SNCAIP: variants seen among roughly 807,000 people sequenced by gnomAD.
SNCAIP encodes the protein synphilin-1.
In SNCAIP, 43 loss-of-function variants were observed where a neutral mutation model predicts 86.7. The ratio of observed to expected loss-of-function variants is 0.50; its 90% CI spans 0.39 to 0.64. SNCAIP has a LOEUF of 0.64. SNCAIP is among the 30% of genes least tolerant of loss of function. The pLI, the probability that SNCAIP is intolerant of heterozygous loss-of-function variation, is 0.00. For synonymous variants in SNCAIP, 417 were observed against 427.2 expected, an observed-to-expected ratio of 0.98 and a Z score of 0.29; for missense variants, 981 against 1,103.1, an observed-to-expected ratio of 0.89 and a Z score of 1.57.
rs572532084 is a variant in SNCAIP, at chr5:122,449,291, G to A, written c.1593-554G>A. Among the ~76,000 whole-genome samples the A allele has an allele frequency of 3.5e-3, 529 of 152,234 alleles. 1 individual carries two copies. Among genetic ancestry groups the A allele is most frequent in the Middle Eastern group, 6.8e-3 (2 of 294 alleles). Reference sequence around the variant, plus strand: ...ACTGTACTGAAAGTGAGAAAGAATGGCTGTATGGATACTCAAAGTACAGTT... The same window carrying A: ...ACTGTACTGAAAGTGAGAAAGAATGACTGTATGGATACTCAAAGTACAGTT... On this transcript the variant is annotated intron_variant, in intron 8 of 10. Transcript: ENST00000261368.
intron 1 of SNCAIP, among the ~76,000 whole-genome samples, chr5:122,377,308 AAT>A (rs1765531031): frequency 6.6e-6 from 1 of 152,142 alleles, no homozygotes; most frequent in South Asian, 2.1e-4. Context: ...AACTGAATAC[AAT>A]ATGTTTTTTC....
intron 3 of SNCAIP, 150 bp downstream of exon 3, chr5:122,404,015 T>C (rs2152875988): frequency 1.4e-6 from 1 of 691,834 alleles, no homozygotes; most frequent in East Asian, 2.7e-5. Context: ...CCTCATGCCC[T>C]GCCTTCAACA....
chr5:122,378,001 C>T (rs1193659704), intron 1 of SNCAIP, among the ~76,000 whole-genome samples: 2 of 150,930 alleles, frequency 1.3e-5, no homozygotes, highest in East Asian at 2.0e-4. Context: ...AATAAACATA[C>T]GTGTGCATGT....
intron 1 of SNCAIP, among the ~76,000 whole-genome samples, chr5:122,313,541 A>G (rs1751082722): frequency 6.6e-6 from 1 of 152,278 alleles, no homozygotes; most frequent in African/African-American, 2.4e-5. Context: ...CAGACATCCC[A>G]ATTGGGAATG....
At chr5:122,348,916 T>C (rs79729059) in intron 1 of SNCAIP, among the ~76,000 whole-genome samples, 25,249 of 152,204 alleles carry the variant, frequency 0.17, 2,274 homozygotes, top group South Asian at 0.3. Flanking sequence ...ATTGATTTGG[T>C]CTTTAATCTA....
chr5:122,340,190 T>C (rs1434241673), intron 1 of SNCAIP, among the ~76,000 whole-genome samples: 1 of 152,172 alleles, frequency 6.6e-6, no homozygotes, highest in Admixed American at 6.5e-5. Flanking sequence ...ATTTTTTCCA[T>C]GTGTTGAGTT....
chr5:122,440,160 A>C (rs371555071), intron 6 of SNCAIP, among the ~76,000 whole-genome samples: 3 of 152,226 alleles, frequency 2.0e-5, no homozygotes, highest in Non-Finnish European at 4.4e-5. Flanking sequence ...GCATGGTTGA[A>C]GAATTATAAA....
chr5:122,313,729 G>A (rs576299118), intron 1 of SNCAIP, among the ~76,000 whole-genome samples: 2 of 152,208 alleles, frequency 1.3e-5, no homozygotes, highest in Non-Finnish European at 2.9e-5. Flanking sequence ...ACACCTTTAA[G>A]CAGTCCTCAA....
In SNCAIP at chr5:122,405,257, C is replaced by G. The variant is rs148351589; in HGVS notation, c.130+1392C>G. Reference sequence around the variant, plus strand: ...AGTTATCTACAAAATAGAGAAGATACGTGTACTAATGTTGCCCAGCTGTCC... The same window carrying G: ...AGTTATCTACAAAATAGAGAAGATAGGTGTACTAATGTTGCCCAGCTGTCC... On this transcript the variant is annotated intron_variant, in intron 3 of 10. Transcript: ENST00000261368. Among the ~76,000 whole-genome samples, 119 of 152,238 alleles carry G rather than the reference C, an allele frequency of 7.8e-4. 1 individual carries two copies. The South Asian group carries it at 1.0e-2, about 13-fold the overall frequency.
At chr5:122,338,359 G>A (rs1756918404) in intron 1 of SNCAIP, among the ~76,000 whole-genome samples, 1 of 152,200 alleles carries the variant, frequency 6.6e-6, no homozygotes, top group Non-Finnish European at 1.5e-5. Flanking sequence ...ACACTTGCAT[G>A]TGTGTTCATT....
At chr5:122,390,143 A>G (rs752448182) in intron 1 of SNCAIP, among the ~76,000 whole-genome samples, 11 of 152,204 alleles carry the variant, frequency 7.2e-5, no homozygotes, top group Admixed American at 3.3e-4. Context: ...ATTATTTCAG[A>G]TACTCAAATC....
intron 6 of SNCAIP, among the ~76,000 whole-genome samples, chr5:122,434,426 A>G (rs970152981): frequency 2.6e-5 from 4 of 152,242 alleles, no homozygotes; most frequent in Admixed American, 6.5e-5. Flanking sequence ...TTTTGAAGCT[A>G]TTGGGACTGA....
intron 8 of SNCAIP, among the ~76,000 whole-genome samples, chr5:122,448,593 T>TTATATATA (rs1782843904): frequency 3.5e-5 from 4 of 112,792 alleles, no homozygotes; most frequent in Non-Finnish European, 6.1e-5. Flanking sequence ...TATATATATT[T>TTATATATA]TTATATATAT....
chr5:122,384,309 T>G (rs1171608992), intron 1 of SNCAIP, among the ~76,000 whole-genome samples: 1 of 152,156 alleles, frequency 6.6e-6, no homozygotes, highest in East Asian at 1.9e-4. Flanking sequence ...TGATTGCAAA[T>G]TACAAATTAT....
At chr5:122,437,351 T>C (rs1328364119) in intron 6 of SNCAIP, 1 of 152,202 alleles carries the variant, frequency 6.6e-6, no homozygotes, top group Non-Finnish European at 1.5e-5. Flanking sequence ...TAAGCAGATA[T>C]TAAATATGCT....
rs1432847656 is a variant in SNCAIP, at chr5:122,378,792, T to C, written c.-46-12297T>C. On this transcript the variant is annotated intron_variant, in intron 1 of 10. Transcript: ENST00000261368. ...AGTTTTCCCAGCACCATTTATTAAA[T>C]AGGGAATCCTTCCCCATTGCTTGTT... Among the ~76,000 whole-genome samples the C allele has an allele frequency of 2.1e-5, 3 of 144,112 alleles. 1 individual carries two copies. Among genetic ancestry groups the C allele is most frequent in the Non-Finnish European group, 4.6e-5 (3 of 65,638 alleles). The allele number at this position is 144,112 out of a possible 152,430, so 94.5% of individuals were successfully genotyped here.
chr5:122,398,312 G>T (rs1771050680), intron 2 of SNCAIP, among the ~76,000 whole-genome samples: 1 of 152,076 alleles, frequency 6.6e-6, no homozygotes, highest in South Asian at 2.1e-4. Context: ...GGAAACCTGA[G>T]CCCCAGCAAA....
intron 1 of SNCAIP, among the ~76,000 whole-genome samples, chr5:122,328,305 T>C (rs935439272): frequency 2.0e-5 from 3 of 152,232 alleles, no homozygotes; most frequent in Non-Finnish European, 4.4e-5. Context: ...ATCCTCTTTG[T>C]CTTCTGGCCA....
At chr5:122,431,226 C>G (rs1027425748) in intron 5 of SNCAIP, among the ~76,000 whole-genome samples, 1 of 151,994 alleles carries the variant, frequency 6.6e-6, no homozygotes, top group African/African-American at 2.4e-5. Context: ...AAATATACAG[C>G]TACCATATGA....
Sources: gnomAD v4.1 joint callset for allele counts (sites outside exome capture counted in the v4.1 genomes callset) on GRCh38, gnomAD v4.1.1 for gene constraint, MANE v1.5 for transcripts, NCBI Gene and HGNC (gene_info 2026-07-23, HGNC 2026-07-21) for gene names.